NALCN: variants seen among roughly 807,000 people sequenced by gnomAD.
The protein encoded by NALCN is sodium leak channel NALCN.
Under a neutral mutation model 225.3 loss-of-function variants are expected in NALCN, and 111 were observed. The ratio of observed to expected loss-of-function variants is 0.49; its 90% confidence interval spans 0.42 to 0.58. The LOEUF (loss-of-function observed/expected upper bound fraction) is 0.58, where lower values mean the gene tolerates loss of function less well. Among genes scored for constraint, NALCN ranks in the 20% least tolerant of loss-of-function variants. The pLI is 0.00. For synonymous variants in NALCN, 764 were observed against 769.0 expected (o/e 0.99, Z 0.11); for missense variants, 1,378 against 2,202.4 (o/e 0.63, Z 7.49).
chr13:101,303,957 G>A (rs1312745229), intron 7 of NALCN, among the ~76,000 whole-genome samples: 1 of 152,114 alleles, frequency 6.6e-6, no homozygotes, highest in East Asian at 1.9e-4. Flanking sequence ...AGAGAAATAT[G>A]GAGCAATTGG....
chr13:101,065,344 T>C, intron 40 of NALCN, 60 bp downstream of exon 40: 1 of 1,582,164 alleles, frequency 6.3e-7, no homozygotes, highest in Non-Finnish European at 8.7e-7. Context: ...GCAGAGGCCT[T>C]GAAGGCTGAC....
intron 7 of NALCN, among the ~76,000 whole-genome samples, chr13:101,339,106 A>C (rs2139272328): frequency 6.6e-6 from 1 of 152,336 alleles, no homozygotes; most frequent in African/African-American, 2.4e-5. Context: ...GAACAGCGGA[A>C]GTAGGAACTG....
chr13:101,115,958 G>A (rs957308306), intron 18 of NALCN, among the ~76,000 whole-genome samples: 7 of 152,136 alleles, frequency 4.6e-5, no homozygotes, highest in Non-Finnish European at 7.4e-5. Flanking sequence ...AGTGTCTGGT[G>A]AAAAATAATG....
intron 12 of NALCN, among the ~76,000 whole-genome samples, chr13:101,236,712 A>C (rs2041566618): frequency 7.0e-6 from 1 of 142,216 alleles, no homozygotes; most frequent in Admixed American, 7.5e-5. Flanking sequence ...GGAATTGAAC[A>C]ATGAGAACAC....
At chr13:101,204,902 A>G (rs2040255283) in intron 13 of NALCN, among the ~76,000 whole-genome samples, 1 of 152,118 alleles carries the variant, frequency 6.6e-6, no homozygotes, top group African/African-American at 2.4e-5. Context: ...ATTGTCCATT[A>G]TTTAATATAA....
intron 39 of NALCN, among the ~76,000 whole-genome samples, chr13:101,067,077 G>T (rs545735914): frequency 1.4e-4 from 22 of 151,796 alleles, no homozygotes; most frequent in Non-Finnish European, 2.9e-4. Flanking sequence ...TACAGGAGCT[G>T]TTCCATCTTG....
intron 6 of NALCN, among the ~76,000 whole-genome samples, chr13:101,373,665 T>C (rs540067076): frequency 1.3e-4 from 20 of 152,298 alleles, no homozygotes; most frequent in Middle Eastern, 3.4e-3. Context: ...TTAACGGAAA[T>C]ACTGAGAGCT....
chr13:101,057,992 G>GCAT lies in NALCN; in HGVS notation c.4967_4969dup (p.Asp1656dup), dbSNP rs2031472601. ...CCTCTGGGGTTTCCCTGCGTCGGCT[G>GCAT]CATCTTGCCGACTTCCTCCTCGATC... On this transcript the variant is annotated inframe_insertion, in exon 43 of 44. Coordinates refer to ENST00000251127, the MANE Select transcript of NALCN (RefSeq NM_052867.4). The GCAT allele has an allele frequency of 6.2e-7, 1 of 1,613,712 alleles. No homozygotes were observed. The highest frequency in any genetic ancestry group is 1.3e-5 in the African/African-American group (1 of 74,918).
At chr13:101,081,415 C>A in intron 34 of NALCN, 112 bp downstream of exon 34, 6 of 1,491,086 alleles carry the variant, frequency 4.0e-6, no homozygotes, top group Non-Finnish European at 4.5e-6. Context: ...GGAGGTCCAT[C>A]TAACACCTCA....
At chr13:101,099,632 A>G (rs761371082) in intron 27 of NALCN, among the ~76,000 whole-genome samples, 2 of 152,328 alleles carry the variant, frequency 1.3e-5, no homozygotes, top group Admixed American at 6.5e-5. Flanking sequence ...ACTTTATGAT[A>G]TTACAAAAAT....
intron 7 of NALCN, among the ~76,000 whole-genome samples, chr13:101,307,445 G>T (rs2044190514): frequency 6.6e-6 from 1 of 152,142 alleles, no homozygotes; most frequent in Non-Finnish European, 1.5e-5. Flanking sequence ...AAAGACTGTG[G>T]CTTAATGAGA....
chr13:101,181,569 CAA>C (rs757976308), intron 14 of NALCN, among the ~76,000 whole-genome samples: 2 of 111,218 alleles, frequency 1.8e-5, no homozygotes, highest in Admixed American at 9.2e-5. Context: ...CCCTGTCTCT[CAA>C]AAAAAAAAAA....
At chr13:101,129,988 T>G (rs2036437259) in intron 17 of NALCN, among the ~76,000 whole-genome samples, 1 of 151,974 alleles carries the variant, frequency 6.6e-6, no homozygotes, top group East Asian at 1.9e-4. Context: ...TCTGTTCCTG[T>G]GTTAGTTTGC....
At chr13:101,272,379 CTA>C (rs1348965026) in intron 10 of NALCN, among the ~76,000 whole-genome samples, 1 of 152,256 alleles carries the variant, frequency 6.6e-6, no homozygotes, top group East Asian at 1.9e-4. Context: ...GTGTGTGAGG[CTA>C]TGTTTTCTGC....
chr13:101,308,255 C>T lies in NALCN; in HGVS notation c.800-15889G>A, dbSNP rs116399175. Among the ~76,000 whole-genome samples, 693 of 152,288 alleles carry T rather than the reference C, an allele frequency of 4.6e-3. 5 individuals are homozygous for T. Among genetic ancestry groups the T allele is most frequent in the Middle Eastern group, 0.02 (6 of 294 alleles). ...TCTCTTCTTCCTGGGCGCATGGCTG[C>T]TCAGTGAGGGAATATGTTTCCTAGA... On this transcript the variant is annotated intron_variant, in intron 7 of 43. Coordinates refer to ENST00000251127, the MANE Select transcript of NALCN (RefSeq NM_052867.4).
At chr13:101,058,420 G>A in intron 42 of NALCN, 2 of 193,080 alleles carry the variant, frequency 1.0e-5, no homozygotes, top group Admixed American at 5.3e-5. Context: ...GACGGGCTGG[G>A]CGGGGGCAGT....
At chr13:101,068,979 A>C in intron 37 of NALCN, 152 bp from the exon 38 acceptor site, 1 of 727,436 alleles carries the variant, frequency 1.4e-6, no homozygotes, top group Non-Finnish European at 2.0e-6. Context: ...TGGGTACATC[A>C]TCTGTAGCAG....
rs764423267 is a variant in NALCN at position 101,143,073 on chromosome 13, A to T, written c.2118+7T>A. 4 of 1,613,972 alleles carry T rather than the reference A, an allele frequency of 2.5e-6. No individual in the cohort carries two copies. Among genetic ancestry groups the T allele is most frequent in the Non-Finnish European group, 8.5e-7 (1 of 1,180,014 alleles). On this transcript the variant is annotated splice_region_variant and intron_variant, in intron 17 of 43. Transcript: ENST00000251127. The stretch of plus-strand genomic sequence containing the variant: ...GAAGCCTGGTTATTCGAAACAGCAG[A>T]TCTTACTTTTTGGTCGATGTATTTG...
At chr13:101,140,748 G>A (rs371109172) in intron 17 of NALCN, among the ~76,000 whole-genome samples, 85 of 152,206 alleles carry the variant, frequency 5.6e-4, no homozygotes, top group African/African-American at 1.9e-3. Flanking sequence ...AAGAAGAGAG[G>A]TGATAAGTTT....
Sources: gnomAD v4.1 joint callset for allele counts (sites outside exome capture counted in the v4.1 genomes callset) on GRCh38, gnomAD v4.1.1 for gene constraint, MANE v1.5 for transcripts, NCBI Gene and HGNC (gene_info 2026-07-23, HGNC 2026-07-21) for gene names.